The following SCARA5 variants were observed in gnomAD, a reference collection of about 807,000 sequenced individuals.
The protein encoded by SCARA5 is scavenger receptor class A, member 5 (putative).
SCARA5 carries 45 observed loss-of-function variants against 46.3 expected under a neutral mutation model. The observed-to-expected ratio is 0.97, with a 90% CI of 0.76 to 1.24. The LOEUF (loss-of-function observed/expected upper bound fraction) is 1.24. Among genes scored for constraint, SCARA5 ranks in the 50% most tolerant of loss-of-function variants. The probability of loss-of-function intolerance (pLI) is 0.00; values close to 1 mark genes in which losing one functional copy is unlikely to be tolerated. For synonymous variants in SCARA5, 333 were observed against 306.5 expected (o/e 1.09, Z -0.90); for missense variants, 680 against 689.0 (o/e 0.99, Z 0.15).
At chr8:27,898,482 T>C (rs1807099398) in intron 7 of SCARA5, among the ~76,000 whole-genome samples, 1 of 152,214 alleles carries the variant, frequency 6.6e-6, no homozygotes, top group South Asian at 2.1e-4. Context: ...ATTTAAGATT[T>C]GTTACTGTGA....
intron 4 of SCARA5, among the ~76,000 whole-genome samples, chr8:27,913,326 G>T (rs1031034428): frequency 6.6e-6 from 1 of 152,174 alleles, no homozygotes; most frequent in Admixed American, 6.5e-5. Context: ...CTGATGATTT[G>T]GCCAGAGCCT....
At chr8:27,974,556 C>T (rs371532152) in intron 2 of SCARA5, among the ~76,000 whole-genome samples, 1 of 152,234 alleles carries the variant, frequency 6.6e-6, no homozygotes, top group African/African-American at 2.4e-5. Flanking sequence ...AGCTCATAAA[C>T]AGCAGGTAGA....
rs749522117 is a variant in SCARA5, at chr8:27,922,121, C to T, written c.366G>A (p.Thr122=). The change falls in exon 4 of 9, where the codon ACG becomes ACA. Residue 122 remains threonine, a synonymous_variant. Coordinates refer to ENST00000354914, the MANE Select transcript of SCARA5 (RefSeq NM_173833.6). ...LLQAPLQADL[T]EQVWKVQDAL... ...CGTCCTGCACCTTCCACACCTGCTC[C>T]GTCAGGTCCGCTTGCAGCGGAGCCT... 1 of 1,606,330 alleles carries T rather than the reference C, an allele frequency of 6.2e-7. No individual in the cohort carries two copies. Among genetic ancestry groups the T allele is most frequent in the South Asian group, 1.1e-5 (1 of 89,620 alleles).
Position 27,871,664 on chromosome 8 carries a change from A to C in SCARA5, c.*270T>G. 1 of 1,344,318 alleles carries C rather than the reference A, an allele frequency of 7.4e-7. No homozygotes were observed. The highest frequency in any genetic ancestry group is 9.6e-7 in the Non-Finnish European group (1 of 1,044,526). The allele number at this position is 1,344,318 out of a possible 1,614,324, so 83.3% of individuals were successfully genotyped here. On this transcript the variant is annotated 3_prime_UTR_variant, in exon 9 of 9. Transcript: ENST00000354914. ...GGTGCATGGTGTTCAGAGGCTGGGC[A>C]AAGTGGTGATCCAGTTGATCAGGGC...
intron 4 of SCARA5, among the ~76,000 whole-genome samples, chr8:27,913,623 C>T (rs1807413710): frequency 6.6e-6 from 1 of 152,218 alleles, no homozygotes. Flanking sequence ...TCGTCAGGTC[C>T]TTATGGCCTG....
At chr8:27,913,815 G>A (rs1227235833) in intron 4 of SCARA5, among the ~76,000 whole-genome samples, 2 of 152,180 alleles carry the variant, frequency 1.3e-5, no homozygotes, top group Admixed American at 6.5e-5. Flanking sequence ...CTCACGATCT[G>A]ACCCCTTCTG....
chr8:27,983,090 G>T (rs1469618663), intron 2 of SCARA5, among the ~76,000 whole-genome samples: 1 of 152,150 alleles, frequency 6.6e-6, no homozygotes, highest in Non-Finnish European at 1.5e-5. Flanking sequence ...CTCACCTCTG[G>T]TGGTGGCTGC....
chr8:27,942,131 C>T lies in SCARA5; in HGVS notation c.242-19886G>A, dbSNP rs935924715. Among the ~76,000 whole-genome samples, 3 of 152,044 alleles carry T rather than the reference C, an allele frequency of 2.0e-5. No homozygotes were observed. The East Asian group carries it at 5.8e-4, about 29-fold the overall frequency. ...GGTGTGAGCCACTGCGCCCAGCCCC[C>T]ATTCACATGAGATGAAGAGCTGAGG... On this transcript the variant is annotated intron_variant, in intron 3 of 8. Transcript: ENST00000354914.
At chr8:27,914,585 C>T (rs906310468) in intron 4 of SCARA5, among the ~76,000 whole-genome samples, 1 of 152,250 alleles carries the variant, frequency 6.6e-6, no homozygotes, top group African/African-American at 2.4e-5. Flanking sequence ...GAATGACTAA[C>T]GTGTAGTAGC....
At chr8:27,921,539 C>T (rs1807583730) in intron 4 of SCARA5, 32 bp downstream of exon 4, 15 of 1,516,820 alleles carry the variant, frequency 9.9e-6, no homozygotes, top group Non-Finnish European at 1.3e-5. Context: ...CAGAAGGGGC[C>T]GTGGGTGGAG....
Position 27,929,638 on chromosome 8 carries a change from T to C in SCARA5, c.242-7393A>G, listed in dbSNP as rs554558447. ...TCAGGAGATTGCCTGAAGAATGAAATTGGGGTGAATTTGTGCCATCTGTCC... is the reference window on the plus strand; with the variant it reads ...TCAGGAGATTGCCTGAAGAATGAAACTGGGGTGAATTTGTGCCATCTGTCC... On this transcript the variant is annotated intron_variant, in intron 3 of 8. Coordinates refer to ENST00000354914, the MANE Select transcript of SCARA5 (RefSeq NM_173833.6). Among the ~76,000 whole-genome samples the C allele has an allele frequency of 9.9e-5, 15 of 152,226 alleles. No individual in the cohort carries two copies. The South Asian group carries it at 3.1e-3, about 32-fold the overall frequency.
intron 2 of SCARA5, among the ~76,000 whole-genome samples, chr8:27,967,711 G>A (rs190065962): frequency 2.0e-5 from 3 of 152,170 alleles, no homozygotes; most frequent in African/African-American, 2.4e-5. Context: ...TCAGGAATTC[G>A]ACACCAGCCT....
At chr8:27,958,690 T>A (rs1808243222) in intron 3 of SCARA5, among the ~76,000 whole-genome samples, 1 of 152,178 alleles carries the variant, frequency 6.6e-6, no homozygotes, top group African/African-American at 2.4e-5. Context: ...CAGACTGCAA[T>A]ACCTGGCAGA....
At chr8:27,901,351 G>A (rs561891691) in intron 7 of SCARA5, among the ~76,000 whole-genome samples, 1 of 152,288 alleles carries the variant, frequency 6.6e-6, no homozygotes, top group East Asian at 1.9e-4. Context: ...GGCCACCCTG[G>A]TTAGCGGCTC....
chr8:27,905,220 G>T (rs1167412158), intron 6 of SCARA5, among the ~76,000 whole-genome samples: 1 of 152,038 alleles, frequency 6.6e-6, no homozygotes, highest in Non-Finnish European at 1.5e-5. Context: ...GGAGAGGCGG[G>T]TTCTATGTTG....
At chr8:27,990,942 G>A (rs1476133634) in intron 1 of SCARA5, among the ~76,000 whole-genome samples, 1 of 152,226 alleles carries the variant, frequency 6.6e-6, no homozygotes. Flanking sequence ...TTCACCCAAG[G>A]CACTTAGAAG....
At chr8:27,953,934 C>T (rs745567004) in intron 3 of SCARA5, among the ~76,000 whole-genome samples, 5 of 152,120 alleles carry the variant, frequency 3.3e-5, no homozygotes, top group African/African-American at 4.8e-5. Flanking sequence ...ATCTGAGGAG[C>T]GGCTGAGACC....
At chr8:27,982,117 G>T (rs1018188566) in intron 2 of SCARA5, among the ~76,000 whole-genome samples, 1 of 152,192 alleles carries the variant, frequency 6.6e-6, no homozygotes, top group East Asian at 1.9e-4. Flanking sequence ...CCAGGAGCAT[G>T]TGTAACTCAT....
intron 8 of SCARA5, 36 bp from the exon 9 acceptor site, chr8:27,872,106 C>T (rs1806649194): frequency 1.2e-6 from 2 of 1,611,400 alleles, no homozygotes; most frequent in Admixed American, 1.7e-5. Flanking sequence ...TAAGCGGATA[C>T]ACAGGAGGGC....
Sources: allele counts gnomAD v4.1 joint callset (sites outside exome capture counted in the v4.1 genomes callset), GRCh38; gene constraint gnomAD v4.1.1; transcripts MANE v1.5; gene names NCBI Gene and HGNC (gene_info 2026-07-23, HGNC 2026-07-21).